Variants in ASXL2 observed in about 807,000 individuals in gnomAD.
ASXL2 encodes the protein putative Polycomb group protein ASXL2.
ASXL2 carries 23 observed loss-of-function variants against 122.0 expected under a neutral mutation model. The observed-to-expected ratio is 0.19, with a 90% CI of 0.14 to 0.27. ASXL2 has a LOEUF of 0.27. ASXL2 is among the 10% of genes least tolerant of loss of function. The pLI is 1.00. For synonymous variants in ASXL2, 650 were observed against 637.0 expected (o/e 1.02, Z -0.31); for missense variants, 1,518 against 1,713.8 (o/e 0.89, Z 2.02).
At chr2:25,757,489 AAG>A (rs2088155259) in intron 9 of ASXL2, among the ~76,000 whole-genome samples, 1 of 149,562 alleles carries the variant, frequency 6.7e-6, no homozygotes. Flanking sequence ...AAAAAAAAAA[AAG>A]AAAGAAAAAG....
At chr2:25,804,275 C>T (rs1236455011) in intron 4 of ASXL2, among the ~76,000 whole-genome samples, 1 of 152,228 alleles carries the variant, frequency 6.6e-6, no homozygotes, top group East Asian at 1.9e-4. Flanking sequence ...GCCTACCAAG[C>T]ATTCATTCCC....
chr2:25,776,923 C>T (rs1654429563), intron 5 of ASXL2, among the ~76,000 whole-genome samples: 1 of 152,096 alleles, frequency 6.6e-6, no homozygotes, highest in Admixed American at 6.6e-5. Context: ...AGAATGTTTA[C>T]CTTTAAGCCA....
intron 1 of ASXL2, among the ~76,000 whole-genome samples, chr2:25,853,272 T>C (rs916715878): frequency 2.0e-5 from 3 of 152,162 alleles, no homozygotes; most frequent in African/African-American, 7.2e-5. Context: ...GCTCAACACA[T>C]GAGAGTAACA....
At chr2:25,789,144 C>G (rs1382643606) in intron 5 of ASXL2, among the ~76,000 whole-genome samples, 1 of 151,832 alleles carries the variant, frequency 6.6e-6, no homozygotes, top group Non-Finnish European at 1.5e-5. Flanking sequence ...TTTAGTTCTA[C>G]TGACTTTTTA....
intron 5 of ASXL2, among the ~76,000 whole-genome samples, chr2:25,788,296 G>T (rs563999948): frequency 6.6e-6 from 1 of 152,156 alleles, no homozygotes; most frequent in Non-Finnish European, 1.5e-5. Flanking sequence ...GCATATACAG[G>T]AAGACAGTTT....
At position 25,799,554 on chromosome 2, in the gene ASXL2, A is replaced by G. The variant is rs769347759; in HGVS notation, c.253-19T>C. On this transcript the variant is annotated intron_variant, in intron 4 of 12. Coordinates refer to ENST00000435504, the MANE Select transcript of ASXL2 (RefSeq NM_018263.6). ...CATCTTTCTGAAAATGTAGGCATCC[A>G]ATTAGGATTAATCATTACCATTTAA... 1.2e-6 allele frequency: 2 copies of G among 1,602,454 alleles called. No individual in the cohort carries two copies. The highest frequency in any genetic ancestry group is 2.2e-5 in the East Asian group (1 of 44,802).
chr2:25,749,784 C>A lies in ASXL2; in HGVS notation c.1772G>T (p.Arg591Leu), dbSNP rs146506022. ...WEKRPRVTEN[R>L]QHQQPFQVSP... ...GACCTGAAATGGCTGCTGGTGCTGG[C>A]GATTCTCAGTGACACGTGGCCTCTT... The change falls in exon 12 of 13, where the codon CGC (arginine) becomes CTC (leucine). Residue 591 changes from arginine to leucine, a missense_variant. Transcript: ENST00000435504. 1 of 1,603,188 alleles carries A rather than the reference C, an allele frequency of 6.2e-7. No homozygotes were observed. The highest frequency in any genetic ancestry group is 1.1e-5 in the South Asian group (1 of 88,720).
intron 3 of ASXL2, chr2:25,810,269 C>A: frequency 1.6e-6 from 1 of 629,644 alleles, no homozygotes; most frequent in Non-Finnish European, 3.0e-6. Context: ...CAATGACCAC[C>A]AACTTACGAG....
At chr2:25,857,100 G>GGA (rs2089789846) in intron 1 of ASXL2, 1 of 115,478 alleles carries the variant, frequency 8.7e-6, no homozygotes, top group Admixed American at 9.4e-5. Context: ...CGGGGGGGGG[G>GGA]AGATGGGCAG....
At chr2:25,788,609 C>T (rs1307779332) in intron 5 of ASXL2, among the ~76,000 whole-genome samples, 1 of 152,138 alleles carries the variant, frequency 6.6e-6, no homozygotes, top group Non-Finnish European at 1.5e-5. Context: ...CAGTTGGTAC[C>T]ATCAGTCTTT....
intron 2 of ASXL2, among the ~76,000 whole-genome samples, chr2:25,843,682 T>C (rs574181744): frequency 7.1e-4 from 107 of 151,676 alleles, no homozygotes; most frequent in African/African-American, 2.4e-3. Context: ...TGAGTGCCCA[T>C]AGTCCCAGCT....
rs185303528 is a variant in ASXL2, at chr2:25,860,574, G to A, written c.58-15011C>T. 9.0e-4 allele frequency among the ~76,000 whole-genome samples: 137 copies of A among 152,016 alleles called. 2 individuals carry two copies. The highest frequency in any genetic ancestry group is 3.1e-3 in the African/African-American group (128 of 41,478). ...CTAAAAATACAAAAATGCCGGGCGTGGTGGCACATGCCTGTAATGGTAGCT... is the reference window on the plus strand; with the variant it reads ...CTAAAAATACAAAAATGCCGGGCGTAGTGGCACATGCCTGTAATGGTAGCT... On this transcript the variant is annotated intron_variant, in intron 1 of 12. Transcript: ENST00000435504.
chr2:25,865,774 CAAAAAAAAAA>C (rs61021417), intron 1 of ASXL2, among the ~76,000 whole-genome samples: 15 of 55,550 alleles, frequency 2.7e-4, no homozygotes, highest in East Asian at 1.1e-3. Flanking sequence ...GACTCCGTCT[CAAAAAAAAAA>C]AAAAAAAAAA....
chr2:25,870,801 A>G (rs1406218620), intron 1 of ASXL2, among the ~76,000 whole-genome samples: 1 of 152,258 alleles, frequency 6.6e-6, no homozygotes, highest in Non-Finnish European at 1.5e-5. Flanking sequence ...ACCTGTTTGT[A>G]TATACGAGGT....
intron 3 of ASXL2, among the ~76,000 whole-genome samples, chr2:25,816,560 T>C (rs7558003): frequency 0.021 from 3,226 of 152,102 alleles, 113 homozygotes; most frequent in African/African-American, 0.07. Context: ...GAGAGAACAA[T>C]CCACAGCCTA....
Position 25,742,585 on chromosome 2 carries a change from G to A in ASXL2, c.3752C>T (p.Thr1251Ile). The A allele has an allele frequency of 6.2e-7, 1 of 1,613,994 alleles. No homozygotes were observed. Reference protein sequence around the residue: ...TTLSKENYLFTRGQTFDEKTL... With the variant: ...TTLSKENYLFIRGQTFDEKTL... The stretch of plus-strand genomic sequence containing the variant: ...CTTTTCATCAAATGTTTGGCCTCTA[G>A]TGAACAGGTAATTCTCCTTACTTAA... The change falls in exon 13 of 13, where the codon ACT becomes ATT. Residue 1251 changes from threonine to isoleucine, a missense_variant. By Grantham distance (89) the Thr-to-Ile change is moderately conservative. Coordinates refer to ENST00000435504, the MANE Select transcript of ASXL2 (RefSeq NM_018263.6).
At chr2:25,792,731 G>C (rs192055482) in intron 5 of ASXL2, among the ~76,000 whole-genome samples, 4 of 151,094 alleles carry the variant, frequency 2.6e-5, no homozygotes, top group African/African-American at 4.9e-5. Context: ...TCAGCCTCCC[G>C]AGTAGCTGGG....
At chr2:25,800,637 G>C (rs1401269652) in intron 4 of ASXL2, among the ~76,000 whole-genome samples, 1 of 152,126 alleles carries the variant, frequency 6.6e-6, no homozygotes, top group African/African-American at 2.4e-5. Flanking sequence ...ATAATAACAG[G>C]ATAGTTCCAA....
chr2:25,873,788 A>T (rs2089985437), intron 1 of ASXL2, among the ~76,000 whole-genome samples: 1 of 151,916 alleles, frequency 6.6e-6, no homozygotes, highest in Admixed American at 6.6e-5. Context: ...AAAACACCCA[A>T]TGTCCCTTAA....
Sources: allele counts gnomAD v4.1 joint callset (sites outside exome capture counted in the v4.1 genomes callset), GRCh38; gene constraint gnomAD v4.1.1; transcripts MANE v1.5; gene names NCBI Gene and HGNC (gene_info 2026-07-23, HGNC 2026-07-21).